The following NTN1 variants were observed in gnomAD, a reference collection of about 807,000 sequenced individuals.
NTN1 encodes netrin 1.
In NTN1, 11 loss-of-function variants were observed where a neutral mutation model predicts 54.2. That is an observed-to-expected ratio of 0.20 (90% CI 0.13 to 0.34). NTN1 has a LOEUF of 0.34. Among genes scored for constraint, NTN1 ranks in the 10% least tolerant of loss-of-function variants. The pLI, the probability that NTN1 is intolerant of heterozygous loss-of-function variation, is 1.00. For missense variants in NTN1, 740 were observed against 893.1 expected, an observed-to-expected ratio of 0.83 and a Z score of 2.18; for synonymous variants, 371 against 382.0, an observed-to-expected ratio of 0.97 and a Z score of 0.33.
chr17:9,016,853 G>C (rs2091833045), upstream of NTN1, among the ~76,000 whole-genome samples: 1 of 152,196 alleles, frequency 6.6e-6, no homozygotes, highest in African/African-American at 2.4e-5. Context: ...CTGGGGAAGA[G>C]GGCATGTGTG....
Position 9,182,948 on chromosome 17 carries a change from A to C in NTN1, c.1390A>C (p.Ser464Arg). The change falls in exon 5 of 7, where the codon AGC becomes CGC. Residue 464 changes from serine (S) to arginine (R), a missense_variant. By Grantham distance (110) the Ser-to-Arg change is moderately radical. Coordinates refer to ENST00000173229, the MANE Select transcript of NTN1 (RefSeq NM_004822.3). ...TGTAGCGCCGCCGACGACTGCAGCCAGCAGCGTGGAGGAGCCTGAAGGTAA... is the reference window on the plus strand; with the variant it reads ...TGTAGCGCCGCCGACGACTGCAGCCCGCAGCGTGGAGGAGCCTGAAGGTAA... ...IPVAPPTTAASSVEEPEDCDS... is the reference protein window; with the variant it reads ...IPVAPPTTAARSVEEPEDCDS... 6.2e-7 allele frequency: 1 copy of C among 1,613,832 alleles called. No homozygotes were observed. The highest frequency in any genetic ancestry group is 2.2e-5 in the East Asian group (1 of 44,844).
Position 9,022,935 on chromosome 17 carries a change from C to T in NTN1, c.562C>T (p.Pro188Ser). Residue 188 changes from proline to serine, a missense_variant, in exon 2 of 7, where the codon CCG (proline) becomes TCG (serine). By Grantham distance (74) the Pro-to-Ser change is moderately conservative (BLOSUM62 -1). Transcript: ENST00000173229. ...GCAGTGCCGCAAGATGTACAACCGG[C>T]CGCACCGCGCGCCCATCACCAAGCA... ...STQCRKMYNR[P>S]HRAPITKQNE... 2 of 1,611,782 alleles carry T rather than the reference C, an allele frequency of 1.2e-6. No homozygotes were observed. Among genetic ancestry groups the T allele is most frequent in the Non-Finnish European group, 1.7e-6 (2 of 1,179,736 alleles).
At chr17:9,017,842 G>T (rs546579853), upstream of NTN1, among the ~76,000 whole-genome samples, 2 of 152,180 alleles carry the variant, frequency 1.3e-5, no homozygotes, top group Non-Finnish European at 2.9e-5. Flanking sequence ...CAACAGACAG[G>T]CTGCGTTAGG....
intron 3 of NTN1, chr17:9,179,151 T>G (rs554098105): frequency 2.0e-5 from 3 of 152,366 alleles, no homozygotes; most frequent in African/African-American, 7.2e-5. Context: ...CGTCTTTGTT[T>G]GCACATTTAA....
chr17:9,023,123 C>A lies in NTN1; in HGVS notation c.750C>A (p.Ala250=). The change falls in exon 2 of 7, where the codon GCC becomes GCA. Residue 250 remains alanine (A), a synonymous_variant. Coordinates refer to ENST00000173229, the MANE Select transcript of NTN1 (RefSeq NM_004822.3). ...DWVTATDIRV[A]FSRLHTFGDE... ...TCACGGCCACAGACATCCGCGTGGC[C>A]TTCAGCCGCCTGCACACGTTCGGCG... 2 of 1,564,866 alleles carry A rather than the reference C, an allele frequency of 1.3e-6. No individual in the cohort carries two copies. Among genetic ancestry groups the A allele is most frequent in the East Asian group, 2.4e-5 (1 of 42,184 alleles).
chr17:9,202,632 A>C (rs1904833253), intron 5 of NTN1, among the ~76,000 whole-genome samples: 1 of 151,870 alleles, frequency 6.6e-6, no homozygotes, highest in African/African-American at 2.4e-5. Context: ...GGTTCCCAGA[A>C]ACCTGAGACA....
At chr17:9,213,440 T>G (rs1390680795) in intron 5 of NTN1, among the ~76,000 whole-genome samples, 1 of 152,170 alleles carries the variant, frequency 6.6e-6, no homozygotes, top group Non-Finnish European at 1.5e-5. Flanking sequence ...TCTTTACTTG[T>G]TACTCCTGCA....
At chr17:9,067,970 C>T (rs777327812) in intron 2 of NTN1, among the ~76,000 whole-genome samples, 1 of 152,134 alleles carries the variant, frequency 6.6e-6, no homozygotes, top group Non-Finnish European at 1.5e-5. Flanking sequence ...CCTGTAAACC[C>T]AGCCGAGGTG....
intron 3 of NTN1, chr17:9,175,092 T>C (rs1038636293): frequency 6.6e-6 from 1 of 152,258 alleles, no homozygotes; most frequent in Admixed American, 6.5e-5. Context: ...GACAGACTTC[T>C]GGAAAGCCTT....
At chr17:9,173,636 T>C (rs1459396321) in intron 3 of NTN1, 1 of 152,348 alleles carries the variant, frequency 6.6e-6, no homozygotes, top group Non-Finnish European at 1.5e-5. Flanking sequence ...CTGATACTAC[T>C]CAAAGCAGAG....
intron 3 of NTN1, among the ~76,000 whole-genome samples, chr17:9,170,075 G>C (rs1004603922): frequency 2.7e-4 from 41 of 152,188 alleles, no homozygotes; most frequent in African/African-American, 9.9e-4. Context: ...GTGGCACGGG[G>C]ATAGTAAACA....
At chr17:9,160,110 T>C (rs72811955) in intron 2 of NTN1, among the ~76,000 whole-genome samples, 12,511 of 152,194 alleles carry the variant, frequency 0.082, 620 homozygotes, top group African/African-American at 0.12. Flanking sequence ...GAATTTTATT[T>C]TTTAGTTTTT....
At chr17:9,116,598 G>A (rs994843164) in intron 2 of NTN1, among the ~76,000 whole-genome samples, 1 of 152,128 alleles carries the variant, frequency 6.6e-6, no homozygotes, top group Non-Finnish European at 1.5e-5. Flanking sequence ...TGCGGAAGAC[G>A]GTGCCTGCCT....
chr17:9,163,915 C>T (rs538422641), intron 3 of NTN1, among the ~76,000 whole-genome samples: 1 of 152,364 alleles, frequency 6.6e-6, no homozygotes, highest in Admixed American at 6.5e-5. Context: ...CCTCTGAGGG[C>T]TCATGGGCAA....
the NTN1 span, among the ~76,000 whole-genome samples, chr17:9,003,310 G>A: frequency 1.3e-5 from 2 of 151,328 alleles, no homozygotes; most frequent in South Asian, 4.2e-4. This position sits in a 1 kb window ranked among gnomAD's most constrained non-coding sequence, Gnocchi z 7.4. Flanking sequence ...CGGGGATGGC[G>A]GGGGTGGCCG....
chr17:9,186,486 C>T (rs1275066256), intron 5 of NTN1, among the ~76,000 whole-genome samples: 2 of 152,252 alleles, frequency 1.3e-5, no homozygotes, highest in Admixed American at 6.5e-5. Context: ...ACAGGGATCC[C>T]GGGTCCTCTC....
chr17:9,196,653 C>T (rs964547847), intron 5 of NTN1, among the ~76,000 whole-genome samples: 2 of 152,236 alleles, frequency 1.3e-5, no homozygotes, highest in African/African-American at 4.8e-5. Flanking sequence ...AGGGAGGCGG[C>T]CAGTGGGGCA....
chr17:9,179,288 A>T (rs2092410843), intron 3 of NTN1, among the ~76,000 whole-genome samples: 2 of 151,954 alleles, frequency 1.3e-5, no homozygotes, highest in African/African-American at 4.8e-5. Context: ...TGGGGGAGCC[A>T]CCCCTCCCTG....
At chr17:9,081,701 G>A (rs1044889995) in intron 2 of NTN1, among the ~76,000 whole-genome samples, 7 of 152,230 alleles carry the variant, frequency 4.6e-5, no homozygotes, top group African/African-American at 1.7e-4. Context: ...AGAGGAGATT[G>A]ATGACAGTCC....
Sources: allele counts gnomAD v4.1 joint callset (sites outside exome capture counted in the v4.1 genomes callset), GRCh38; gene constraint gnomAD v4.1.1; non-coding constraint Gnocchi (gnomAD v3.1); transcripts MANE v1.5; gene names NCBI Gene and HGNC (gene_info 2026-07-23, HGNC 2026-07-21).